Variants in GLG1 observed in about 807,000 individuals in gnomAD.
GLG1 encodes Golgi apparatus protein 1.
GLG1 carries 38 observed loss-of-function variants against 160.5 expected under a neutral mutation model. The ratio of observed to expected loss-of-function variants is 0.24; its 90% CI spans 0.18 to 0.31. The LOEUF is 0.31. GLG1 is among the 10% of genes least tolerant of loss of function. GLG1 has a pLI of 1.00. For synonymous variants in GLG1, 644 were observed against 543.4 expected (o/e 1.19, Z -2.57); for missense variants, 1,373 against 1,505.2 (o/e 0.91, Z 1.45).
At chr16:74,481,531 C>G (rs1320257569) in intron 10 of GLG1, among the ~76,000 whole-genome samples, 1 of 152,020 alleles carries the variant, frequency 6.6e-6, no homozygotes, top group Non-Finnish European at 1.5e-5. Context: ...AGGCAATACA[C>G]TCAGTAGACT....
At chr16:74,542,768 A>AG (rs543975443) in intron 1 of GLG1, among the ~76,000 whole-genome samples, 2 of 131,618 alleles carry the variant, frequency 1.5e-5, no homozygotes, top group African/African-American at 5.6e-5. Flanking sequence ...GAAGGAAGGA[A>AG]GGAAGGAAGG....
intron 1 of GLG1, among the ~76,000 whole-genome samples, chr16:74,594,035 T>C (rs1223192916): frequency 6.6e-6 from 1 of 152,070 alleles, no homozygotes; most frequent in Non-Finnish European, 1.5e-5. Flanking sequence ...CCCTCCTGAG[T>C]AGCTGGGGTT....
At chr16:74,600,699 T>C (rs1958421190) in intron 1 of GLG1, among the ~76,000 whole-genome samples, 1 of 132,768 alleles carries the variant, frequency 7.5e-6, no homozygotes, top group African/African-American at 3.0e-5. Context: ...GCCATTGCAC[T>C]CCAATCTGGG....
At chr16:74,595,884 G>A (rs1468490724) in intron 1 of GLG1, among the ~76,000 whole-genome samples, 3 of 152,156 alleles carry the variant, frequency 2.0e-5, no homozygotes, top group Non-Finnish European at 4.4e-5. Flanking sequence ...AGCACTTTGG[G>A]AGGCCAAGGC....
At chr16:74,492,682 A>T (rs898732152) in intron 7 of GLG1, among the ~76,000 whole-genome samples, 2 of 152,032 alleles carry the variant, frequency 1.3e-5, no homozygotes. Context: ...AGCCAGGCGC[A>T]GTGGCACTCG....
intron 12 of GLG1, among the ~76,000 whole-genome samples, chr16:74,476,657 G>T (rs2015398665): frequency 6.6e-6 from 1 of 152,154 alleles, no homozygotes; most frequent in Non-Finnish European, 1.5e-5. Context: ...CTGCAGTCAT[G>T]CATCTTTCCT....
intron 11 of GLG1, among the ~76,000 whole-genome samples, chr16:74,478,134 C>A (rs1186581895): frequency 6.6e-6 from 1 of 152,124 alleles, no homozygotes; most frequent in Non-Finnish European, 1.5e-5. Context: ...TAAAAGTGAA[C>A]TGGCTTCATT....
intron 1 of GLG1, among the ~76,000 whole-genome samples, chr16:74,536,519 TA>T (rs1453980443): frequency 6.6e-6 from 1 of 152,164 alleles, no homozygotes; most frequent in Non-Finnish European, 1.5e-5. Flanking sequence ...GTTATACAGT[TA>T]AAATAGCGAA....
rs59891658 is a variant in GLG1, at chr16:74,498,447, AGT to A, written c.775-1805_775-1804del. Among the ~76,000 whole-genome samples the A allele has an allele frequency of 4.4e-3, 36 of 8,226 alleles. 7 individuals are homozygous for A. Among genetic ancestry groups the A allele is most frequent in the Admixed American group, 0.017 (6 of 346 alleles). The allele number at this position is 8,226 out of a possible 152,430, so 5.4% of individuals were successfully genotyped here. On this transcript the variant is annotated intron_variant, in intron 4 of 25. Transcript: ENST00000422840. ...AGGCTCTGTCTCAAAAAAAAAAAAA[AGT>A]ATATATATATATATATATTATATTT...
intron 25 of GLG1, among the ~76,000 whole-genome samples, chr16:74,456,037 T>A (rs933501799): frequency 3.9e-5 from 6 of 152,200 alleles, no homozygotes; most frequent in Non-Finnish European, 7.4e-5. Flanking sequence ...TCTTTCTTCA[T>A]CCCCTTCTTC....
At chr16:74,598,867 G>C (rs1048954221) in intron 1 of GLG1, among the ~76,000 whole-genome samples, 55 of 151,560 alleles carry the variant, frequency 3.6e-4, no homozygotes, top group Non-Finnish European at 1.3e-4. Flanking sequence ...CTGAGCAAGA[G>C]CGAAACTCCA....
chr16:74,498,561 C>T (rs1450286263), intron 4 of GLG1, among the ~76,000 whole-genome samples: 1 of 142,540 alleles, frequency 7.0e-6, no homozygotes, highest in Non-Finnish European at 1.5e-5. Context: ...ATGAAATAAT[C>T]TGCATATAAT....
At position 74,451,985 on chromosome 16, in the gene GLG1, T is replaced by A. The variant is rs558415697; in HGVS notation, c.*1182A>T. On this transcript the variant is annotated 3_prime_UTR_variant, in exon 26 of 26. Transcript: ENST00000422840. ...ATCCTCCATCTTTTAATGTGATAAC[T>A]TTCCACACCCTCTCCACGTAGAGGC... is the stretch of plus-strand genomic sequence containing the variant. 8.8e-7 allele frequency: 1 copy of A among 1,133,884 alleles called. No homozygotes were observed. Among genetic ancestry groups the A allele is most frequent in the East Asian group, 2.3e-5 (1 of 42,584 alleles). 70.2% of individuals were successfully genotyped at this position (1,133,884 alleles called of 1,614,324 possible). A position where few individuals can be genotyped will look rare whatever the true frequency, so the allele number is the denominator to read the frequency against.
At chr16:74,500,093 G>C (rs1039441505) in intron 4 of GLG1, among the ~76,000 whole-genome samples, 14 of 152,128 alleles carry the variant, frequency 9.2e-5, no homozygotes, top group Non-Finnish European at 1.8e-4. Context: ...TTTCAAATAA[G>C]GGTATTTCAG....
intron 1 of GLG1, among the ~76,000 whole-genome samples, chr16:74,543,795 C>T (rs1386590372): frequency 6.6e-6 from 1 of 151,878 alleles, no homozygotes; most frequent in Non-Finnish European, 1.5e-5. Flanking sequence ...AAACAAAGTA[C>T]AAAGTACAAA....
chr16:74,500,397 G>A (rs2016361891), intron 4 of GLG1, among the ~76,000 whole-genome samples: 2 of 150,222 alleles, frequency 1.3e-5, no homozygotes, highest in Non-Finnish European at 1.5e-5. Context: ...GCCTTGATCC[G>A]TTTTTAGAAG....
intron 1 of GLG1, among the ~76,000 whole-genome samples, chr16:74,594,663 A>G (rs1313380504): frequency 6.6e-6 from 1 of 152,176 alleles, no homozygotes; most frequent in Non-Finnish European, 1.5e-5. Flanking sequence ...AAGTGGAAGG[A>G]GCTAAAGCAC....
chr16:74,603,608 C>T (rs1410577342), intron 1 of GLG1, among the ~76,000 whole-genome samples: 1 of 151,706 alleles, frequency 6.6e-6, no homozygotes, highest in African/African-American at 2.4e-5. Flanking sequence ...ACCAAGGTCT[C>T]CATCTGAAAC....
Position 74,496,488 on chromosome 16 carries a change from G to T in GLG1, c.931C>A (p.His311Asn). ...LSSDDFHLDR[H>N]LYFACRDDRE... Reference sequence around the variant, plus strand: ...TCATCTCGGCAAGCAAAATATAAATGCCGGTCTAAGTGAAAGTCATCCGAT... The same window carrying T: ...TCATCTCGGCAAGCAAAATATAAATTCCGGTCTAAGTGAAAGTCATCCGAT... Residue 311 changes from histidine (H) to asparagine (N), a missense_variant, in exon 5 of 26, where the codon CAT (histidine) becomes AAT (asparagine). Around this residue, in one of 4 missense-constraint regions of GLG1, gnomAD observed 174 missense variants for 229.9 expected, o/e 0.76. Coordinates refer to ENST00000422840, the MANE Select transcript of GLG1 (RefSeq NM_001145667.2). 1 of 1,613,982 alleles carries T rather than the reference G, an allele frequency of 6.2e-7. No individual in the cohort carries two copies. Among genetic ancestry groups the T allele is most frequent in the Non-Finnish European group, 8.5e-7 (1 of 1,179,934 alleles).
Sources: gnomAD v4.1 joint callset for allele counts (sites outside exome capture counted in the v4.1 genomes callset) on GRCh38, gnomAD v4.1.1 for gene constraint, gnomAD v4.1.1 regional missense constraint, MANE v1.5 for transcripts, NCBI Gene and HGNC (gene_info 2026-07-23, HGNC 2026-07-21) for gene names.